Variants in PCLO observed in about 807,000 individuals in gnomAD.
The protein encoded by PCLO is protein piccolo.
In PCLO, 82 loss-of-function variants were observed where a neutral mutation model predicts 427.5. The observed-to-expected ratio is 0.19, with a 90% CI of 0.16 to 0.23. PCLO has a LOEUF of 0.23. Among genes scored for constraint, PCLO ranks in the 10% least tolerant of loss-of-function variants. The pLI is 1.00. For missense variants in PCLO, 6,239 were observed against 6,115.9 expected (o/e 1.02, Z -0.67); for synonymous variants, 2,357 against 2,155.4 (o/e 1.09, Z -2.59).
intron 19 of PCLO, among the ~76,000 whole-genome samples, chr7:82,823,054 G>A (rs1244766483): frequency 6.6e-6 from 1 of 152,168 alleles, no homozygotes; most frequent in Non-Finnish European, 1.5e-5. Context: ...GATGAAGGAT[G>A]TGAATCACTA....
chr7:83,103,646 A>G (rs1240513269), intron 3 of PCLO, among the ~76,000 whole-genome samples: 1 of 152,034 alleles, frequency 6.6e-6, no homozygotes, highest in African/African-American at 2.4e-5. Context: ...ACTTCATTTC[A>G]ATATTGTGTT....
At chr7:83,036,219 C>T (rs1788790273) in intron 3 of PCLO, among the ~76,000 whole-genome samples, 1 of 152,096 alleles carries the variant, frequency 6.6e-6, no homozygotes, top group Admixed American at 6.6e-5. Context: ...CTTGACTGTG[C>T]ATCAGAATCA....
chr7:82,793,573 A>G (rs1791152803), intron 22 of PCLO, among the ~76,000 whole-genome samples: 1 of 151,958 alleles, frequency 6.6e-6, no homozygotes, highest in Non-Finnish European at 1.5e-5. Context: ...TGGAGGGCCA[A>G]TTTTTTTTAT....
chr7:82,968,708 C>T (rs758162040), intron 3 of PCLO, among the ~76,000 whole-genome samples: 4 of 151,752 alleles, frequency 2.6e-5, no homozygotes, highest in African/African-American at 7.3e-5. Flanking sequence ...TTAGTAGAGA[C>T]GGGGTTTCAC....
chr7:82,793,403 G>C (rs994460217), intron 22 of PCLO, among the ~76,000 whole-genome samples: 1 of 152,076 alleles, frequency 6.6e-6, no homozygotes, highest in East Asian at 1.9e-4. Context: ...TGCCGCAGTT[G>C]CACCCATATG....
intron 3 of PCLO, among the ~76,000 whole-genome samples, chr7:82,988,486 T>C (rs1162374259): frequency 2.0e-5 from 3 of 152,204 alleles, no homozygotes; most frequent in African/African-American, 4.8e-5. Context: ...ATTCACTCTA[T>C]CAATCATCTA....
At chr7:82,873,887 A>G (rs562470831) in intron 10 of PCLO, among the ~76,000 whole-genome samples, 1 of 152,162 alleles carries the variant, frequency 6.6e-6, no homozygotes, top group African/African-American at 2.4e-5. Context: ...AATTTAAAGC[A>G]AAGTAACACT....
chr7:82,980,578 A>G (rs1221394166), intron 3 of PCLO, among the ~76,000 whole-genome samples: 3 of 152,186 alleles, frequency 2.0e-5, no homozygotes, highest in Non-Finnish European at 4.4e-5. Flanking sequence ...TGAAAAATAG[A>G]ATTTAAAATA....
chr7:82,793,203 T>C (rs990890417), intron 22 of PCLO, among the ~76,000 whole-genome samples: 1 of 152,148 alleles, frequency 6.6e-6, no homozygotes, highest in African/African-American at 2.4e-5. Flanking sequence ...TTTTTGTTTT[T>C]GAAATTCGTG....
At chr7:82,760,593 A>T (rs747188341) in intron 24 of PCLO, 46 bp downstream of exon 24, 2 of 1,272,792 alleles carry the variant, frequency 1.6e-6, no homozygotes, top group Admixed American at 5.0e-5. Context: ...AATAAATACA[A>T]TATGAATGAG....
At chr7:83,135,741 A>T in intron 2 of PCLO, 85 bp from the exon 3 acceptor site, 1 of 749,766 alleles carries the variant, frequency 1.3e-6, no homozygotes, top group South Asian at 1.9e-5. Context: ...TGCCATTTGA[A>T]ACTATGTCTC....
At chr7:83,081,688 A>G (rs921585237) in intron 3 of PCLO, among the ~76,000 whole-genome samples, 15 of 151,806 alleles carry the variant, frequency 9.9e-5, no homozygotes, top group Non-Finnish European at 2.1e-4. Context: ...TAGAGCTACA[A>G]TAGGTTGAGT....
intron 9 of PCLO, among the ~76,000 whole-genome samples, chr7:82,880,996 GT>G (rs1215841290): frequency 1.3e-5 from 2 of 152,096 alleles, no homozygotes; most frequent in Non-Finnish European, 2.9e-5. Flanking sequence ...TTTAAAAATA[GT>G]TTTTCTTTTC....
intron 4 of PCLO, among the ~76,000 whole-genome samples, chr7:82,958,607 A>G (rs1795586168): frequency 6.6e-6 from 1 of 152,308 alleles, no homozygotes; most frequent in Middle Eastern, 3.4e-3. Flanking sequence ...TAACAACTTT[A>G]GTGCAAAAAC....
At chr7:83,093,055 G>A (rs1393822662) in intron 3 of PCLO, among the ~76,000 whole-genome samples, 1 of 151,722 alleles carries the variant, frequency 6.6e-6, no homozygotes, top group Admixed American at 6.6e-5. Context: ...ACTATTGCTA[G>A]GCTCAGAAAT....
intron 3 of PCLO, among the ~76,000 whole-genome samples, chr7:83,032,657 C>T (rs1399785988): frequency 6.6e-6 from 1 of 152,056 alleles, no homozygotes; most frequent in East Asian, 1.9e-4. Context: ...TTTTTGATTA[C>T]CATGCCCACA....
At chr7:82,906,732 C>T (rs1584131843) in intron 8 of PCLO, among the ~76,000 whole-genome samples, 1 of 151,890 alleles carries the variant, frequency 6.6e-6, no homozygotes, top group African/African-American at 2.4e-5. Flanking sequence ...GGTTTCATGG[C>T]TGTTCACTTT....
At chr7:83,012,008 ATTT>A (rs1312893897) in intron 3 of PCLO, among the ~76,000 whole-genome samples, 1 of 151,922 alleles carries the variant, frequency 6.6e-6, no homozygotes, top group Admixed American at 6.6e-5. Context: ...AAATTTATTT[ATTT>A]ATTTAAATTG....
At chr7:83,136,414 T>C (rs949582543) in intron 2 of PCLO, among the ~76,000 whole-genome samples, 1 of 152,198 alleles carries the variant, frequency 6.6e-6, no homozygotes, top group Non-Finnish European at 1.5e-5. Context: ...TTTTCTCTAT[T>C]GATGGCTCAT....
Sources: allele counts gnomAD v4.1 joint callset (sites outside exome capture counted in the v4.1 genomes callset), GRCh38; gene constraint gnomAD v4.1.1; transcripts MANE v1.5; gene names NCBI Gene and HGNC (gene_info 2026-07-23, HGNC 2026-07-21).